The following CCDC30 variants were observed in gnomAD, a reference collection of about 807,000 sequenced individuals.
CCDC30 encodes coiled-coil domain-containing protein 30.
A neutral mutation model predicts 100.2 loss-of-function variants in CCDC30; 70 were observed. The observed-to-expected ratio is 0.70, with a 90% CI of 0.58 to 0.85. The LOEUF (loss-of-function observed/expected upper bound fraction) is 0.85, where lower values mean the gene tolerates loss of function less well. CCDC30 is among the 40% of genes least tolerant of loss of function. The probability of loss-of-function intolerance (pLI) is 0.00; values close to 1 mark genes in which losing one functional copy is unlikely to be tolerated. For missense variants in CCDC30, 652 were observed against 771.2 expected (o/e 0.85, Z 1.83); for synonymous variants, 233 against 269.5 (o/e 0.86, Z 1.33).
At chr1:42,464,617 G>C (rs938934854) in intron 1 of CCDC30, among the ~76,000 whole-genome samples, 1 of 152,176 alleles carries the variant, frequency 6.6e-6, no homozygotes, top group Non-Finnish European at 1.5e-5. Context: ...TAAAAAGGCT[G>C]GAACAGAGGG....
intron 11 of CCDC30, among the ~76,000 whole-genome samples, chr1:42,629,889 C>T (rs558796091): frequency 4.0e-5 from 6 of 151,862 alleles, no homozygotes; most frequent in East Asian, 3.9e-4. Context: ...GCTGGGATTA[C>T]GGGCGTGAGC....
intron 6 of CCDC30, among the ~76,000 whole-genome samples, chr1:42,544,706 C>T (rs887251684): frequency 1.3e-5 from 2 of 151,910 alleles, no homozygotes; most frequent in Non-Finnish European, 2.9e-5. Context: ...AGGATCTTTC[C>T]ATGTTGCCCA....
intron 16 of CCDC30, 64 bp from the exon 21 acceptor site, chr1:42,653,754 G>A: frequency 7.9e-7 from 1 of 1,258,300 alleles, no homozygotes; most frequent in Non-Finnish European, 1.1e-6. Flanking sequence ...CTGTATCCCT[G>A]TAACCCCGAA....
At chr1:42,556,449 G>A in intron 6 of CCDC30, 44 bp downstream of exon 10, 1 of 1,534,268 alleles carries the variant, frequency 6.5e-7, no homozygotes, top group Non-Finnish European at 8.7e-7. Flanking sequence ...CGTTTCCTCT[G>A]ATTGGCTGTG....
intron 6 of CCDC30, among the ~76,000 whole-genome samples, chr1:42,559,800 G>A (rs1436218697): frequency 6.6e-6 from 1 of 152,062 alleles, no homozygotes; most frequent in Non-Finnish European, 1.5e-5. Flanking sequence ...CCTAGTAGAC[G>A]TCTACAGAAC....
the CCDC30 span, chr1:42,457,068 C>G: frequency 1.3e-6 from 2 of 1,594,132 alleles, no homozygotes; most frequent in Non-Finnish European, 1.7e-6. Flanking sequence ...GCACTCAATC[C>G]GCTAGGTGCG....
intron 4 of CCDC30, among the ~76,000 whole-genome samples, chr1:42,490,868 C>T (rs573438345): frequency 1.3e-5 from 2 of 152,242 alleles, no homozygotes; most frequent in South Asian, 2.1e-4. Flanking sequence ...TTTACTGGGA[C>T]CACTGACACC....
intron 11 of CCDC30, among the ~76,000 whole-genome samples, chr1:42,625,826 C>T (rs897162257): frequency 2.0e-5 from 3 of 152,076 alleles, no homozygotes; most frequent in African/African-American, 4.8e-5. Flanking sequence ...GTGTATTCTA[C>T]AGCCATTGGA....
Position 42,521,073 on chromosome 1 carries a change from A to T in CCDC30, c.456+22157A>T, listed in dbSNP as rs538352778. 54 of 147,074 alleles carry T rather than the reference A, an allele frequency of 3.7e-4. 1 individual carries two copies. Among genetic ancestry groups the T allele is most frequent in the African/African-American group, 1.3e-3 (51 of 39,786 alleles). 9.1% of individuals were successfully genotyped at this position (147,074 alleles called of 1,614,324 possible). ...ACTGCAAGCTCCGCCCCCCGGGTTC[A>T]CGCCATTCTCCTGCCTCAGCCTCCC... On this transcript the variant is annotated intron_variant, in intron 6 of 16. Transcript: ENST00000668663.
intron 8 of CCDC30, among the ~76,000 whole-genome samples, chr1:42,578,598 A>G (rs937171869): frequency 7.9e-5 from 12 of 152,214 alleles, no homozygotes; most frequent in African/African-American, 2.9e-4. Context: ...ACAATACTAA[A>G]TATTAGTGAG....
chr1:42,621,083 C>G (rs886786422), intron 11 of CCDC30, among the ~76,000 whole-genome samples: 3 of 152,150 alleles, frequency 2.0e-5, no homozygotes, highest in African/African-American at 7.2e-5. Flanking sequence ...AGCATAGATT[C>G]AAATTGCCCT....
In CCDC30 at chr1:42,642,617, C is replaced by T. The variant is rs1647552274; in HGVS notation, c.1556+8C>T. Reference sequence around the variant, plus strand: ...ATCTTCCATCCAGAGCAGGTAGGTGCCATCCTGCCTGGGAGCCAATAAACT... The same window carrying T: ...ATCTTCCATCCAGAGCAGGTAGGTGTCATCCTGCCTGGGAGCCAATAAACT... On this transcript the variant is annotated splice_region_variant and intron_variant, in intron 13 of 16. Transcript: ENST00000668663. 6.4e-7 allele frequency: 1 copy of T among 1,562,098 alleles called. No individual in the cohort carries two copies. The highest frequency in any genetic ancestry group is 8.7e-7 in the Non-Finnish European group (1 of 1,154,900).
chr1:42,528,612 A>C (rs1453136916), intron 6 of CCDC30, among the ~76,000 whole-genome samples: 1 of 152,202 alleles, frequency 6.6e-6, no homozygotes, highest in Non-Finnish European at 1.5e-5. Flanking sequence ...CCAACAGACG[A>C]TTTTGGAACA....
chr1:42,595,897 G>T (rs766620635), intron 10 of CCDC30, among the ~76,000 whole-genome samples: 1 of 152,184 alleles, frequency 6.6e-6, no homozygotes, highest in Non-Finnish European at 1.5e-5. Flanking sequence ...TATTTGTTCC[G>T]TCTGATTATT....
At chr1:42,599,992 G>T (rs1646370562) in intron 10 of CCDC30, among the ~76,000 whole-genome samples, 1 of 151,948 alleles carries the variant, frequency 6.6e-6, no homozygotes, top group African/African-American at 2.4e-5. Flanking sequence ...TGAGGCAGGA[G>T]GTGCTAAACA....
At chr1:42,493,184 C>A (rs1644173674) in intron 4 of CCDC30, among the ~76,000 whole-genome samples, 1 of 151,504 alleles carries the variant, frequency 6.6e-6, no homozygotes, top group African/African-American at 2.4e-5. Context: ...AGAATAAGAA[C>A]AATAAGAATA....
At chr1:42,497,037 T>A in intron 4 of CCDC30, 61 bp from the exon 5 acceptor site, 1 of 841,898 alleles carries the variant, frequency 1.2e-6, no homozygotes, top group Non-Finnish European at 1.6e-6. Flanking sequence ...TTTTTAGAGT[T>A]AGTGCCCCTG....
chr1:42,633,703 A>G (rs924731778), intron 11 of CCDC30, among the ~76,000 whole-genome samples: 2 of 152,164 alleles, frequency 1.3e-5, no homozygotes, highest in African/African-American at 4.8e-5. Context: ...TGAGGCTAGG[A>G]GTTCGAGACC....
intron 6 of CCDC30, among the ~76,000 whole-genome samples, chr1:42,557,478 A>ATTATCAAATTATTTT (rs779718502): frequency 1.4e-3 from 211 of 152,162 alleles, no homozygotes; most frequent in Non-Finnish European, 6.9e-4. Context: ...GTGATCACAA[A>ATTATCAAATTATTTT]GATTATCAAA....
Sources: allele counts gnomAD v4.1 joint callset (sites outside exome capture counted in the v4.1 genomes callset), GRCh38; gene constraint gnomAD v4.1.1; transcripts MANE v1.5; gene names NCBI Gene and HGNC (gene_info 2026-07-23, HGNC 2026-07-21).